Variants in BTBD7 observed in about 807,000 individuals in gnomAD.
BTBD7 encodes BTB domain containing 7, also known as BTB/POZ domain-containing protein 7.
In BTBD7, 38 loss-of-function variants were observed where a neutral mutation model predicts 99.9. The ratio of observed to expected loss-of-function variants is 0.38; its 90% CI spans 0.29 to 0.50. The LOEUF (loss-of-function observed/expected upper bound fraction) is 0.50, where lower values mean the gene tolerates loss of function less well. Among genes scored for constraint, BTBD7 ranks in the 20% least tolerant of loss-of-function variants. The probability of loss-of-function intolerance (pLI) is 0.93; values close to 1 mark genes in which losing one functional copy is unlikely to be tolerated. For synonymous variants in BTBD7, 520 were observed against 511.4 expected (o/e 1.02, Z -0.23); for missense variants, 1,170 against 1,394.6 (o/e 0.84, Z 2.57).
chr14:93,299,702 T>G (rs965118969), intron 1 of BTBD7, among the ~76,000 whole-genome samples: 3 of 152,092 alleles, frequency 2.0e-5, no homozygotes, highest in Non-Finnish European at 4.4e-5. Context: ...CAAGAAAGAC[T>G]AAACAACCCA....
rs755807975 is a variant in BTBD7, at chr14:93,263,997, A to G, written c.1163-4T>C. On this transcript the variant is annotated splice_region_variant and splice_polypyrimidine_tract_variant and intron_variant, in intron 3 of 10. Coordinates refer to ENST00000334746, the MANE Select transcript of BTBD7 (RefSeq NM_001002860.4). Reference sequence around the variant, plus strand: ...TCAGCAATGATATCCTCACAGCCTAAAAGAGAAGGCAAATACTTCTTGAGA... The same window carrying G: ...TCAGCAATGATATCCTCACAGCCTAGAAGAGAAGGCAAATACTTCTTGAGA... 2 of 1,610,978 alleles carry G rather than the reference A, an allele frequency of 1.2e-6. No homozygotes were observed. Among genetic ancestry groups the G allele is most frequent in the Non-Finnish European group, 1.7e-6 (2 of 1,177,286 alleles).
intron 1 of BTBD7, among the ~76,000 whole-genome samples, chr14:93,301,005 T>C: frequency 6.6e-6 from 1 of 152,012 alleles, no homozygotes; most frequent in Non-Finnish European, 1.5e-5. Context: ...CCTTTCAGTC[T>C]GACTTTAGGA....
At chr14:93,251,440 A>G in intron 8 of BTBD7, 23 bp downstream of exon 8, 2 of 1,541,216 alleles carry the variant, frequency 1.3e-6, no homozygotes, top group Non-Finnish European at 1.8e-6. Flanking sequence ...ATTTAAATAT[A>G]AACACCCAAC....
At chr14:93,321,678 T>C (rs560765539) in intron 1 of BTBD7, among the ~76,000 whole-genome samples, 1 of 152,154 alleles carries the variant, frequency 6.6e-6, no homozygotes, top group African/African-American at 2.4e-5. Context: ...GAAGCATAAA[T>C]CAGTGGCGAT....
At chr14:93,320,041 G>C (rs1022686163) in intron 1 of BTBD7, among the ~76,000 whole-genome samples, 1 of 152,176 alleles carries the variant, frequency 6.6e-6, no homozygotes, top group Non-Finnish European at 1.5e-5. Context: ...TTCAAAAGAG[G>C]AAACTGAACT....
Position 93,246,107 on chromosome 14 carries a change from G to T in BTBD7, c.2301C>A (p.Pro767=), listed in dbSNP as rs769701963. 1.3e-6 allele frequency: 2 copies of T among 1,544,240 alleles called. No homozygotes were observed. The highest frequency in any genetic ancestry group is 1.7e-6 in the Non-Finnish European group (2 of 1,147,312). ...PLPPPPPPYH[P]PATPIHNQLK... The stretch of plus-strand genomic sequence containing the variant: ...GTTGGTTATGGATTGGGGTAGCTGG[G>T]GGGTGGTAGGGAGGTGGTGGAGGGG... The change falls in exon 10 of 11, where the codon CCC becomes CCA. Residue 767 remains proline (P), a synonymous_variant. Transcript: ENST00000334746.
intron 3 of BTBD7, among the ~76,000 whole-genome samples, chr14:93,290,535 T>TA (rs1458205831): frequency 5.9e-5 from 4 of 68,368 alleles, no homozygotes; most frequent in Admixed American, 1.8e-4. Context: ...TTTTTTTTTT[T>TA]AAGACAAAGT....
At chr14:93,243,149 G>T in intron 10 of BTBD7, 61 bp from the exon 11 acceptor site, 1 of 1,390,416 alleles carries the variant, frequency 7.2e-7, no homozygotes, top group Non-Finnish European at 9.9e-7. Context: ...CTGTAGAAAT[G>T]ATGTTCACTG....
chr14:93,288,359 G>C, intron 3 of BTBD7: 1 of 610,886 alleles, frequency 1.6e-6, no homozygotes, highest in Admixed American at 3.0e-5. Flanking sequence ...TTACTTTCTA[G>C]ATTTCCTCAA....
In BTBD7 at chr14:93,297,168, T is replaced by C. The variant is rs571683722; in HGVS notation, c.-106-1011A>G. On this transcript the variant is annotated intron_variant, in intron 1 of 10. Transcript: ENST00000334746. ...ATATAGTGAAAAACACGTACACAAA[T>C]TATCACAAAAATCTGCTAGAAACAG... Among the ~76,000 whole-genome samples, 4 of 152,324 alleles carry C rather than the reference T, an allele frequency of 2.6e-5. No homozygotes were observed. In the East Asian group the frequency reaches 7.7e-4, roughly 29 times the overall value.
At position 93,266,874 on chromosome 14, in the gene BTBD7, C is replaced by T. The variant is rs182829310; in HGVS notation, c.1163-2881G>A. Among the ~76,000 whole-genome samples the T allele has an allele frequency of 7.1e-4, 108 of 152,288 alleles. 2 individuals carry two copies. The highest frequency in any genetic ancestry group is 6.5e-4 in the Admixed American group (10 of 15,302). ...TCCACATATAGATGACACCCAAAGGCGTGAAGATGTGCTAATGAGAAGTGG... is the reference window on the plus strand; with the variant it reads ...TCCACATATAGATGACACCCAAAGGTGTGAAGATGTGCTAATGAGAAGTGG... On this transcript the variant is annotated intron_variant, in intron 3 of 10. Transcript: ENST00000334746.
At chr14:93,322,268 C>T (rs28625767) in intron 1 of BTBD7, among the ~76,000 whole-genome samples, 11,942 of 152,044 alleles carry the variant, frequency 0.079, 1,010 homozygotes, top group African/African-American at 0.21. Context: ...TACATACCAC[C>T]ATACCTGGCT....
intron 1 of BTBD7, among the ~76,000 whole-genome samples, chr14:93,309,416 A>C (rs902432142): frequency 5.3e-5 from 8 of 151,426 alleles, no homozygotes; most frequent in African/African-American, 1.9e-4. Flanking sequence ...AAGAAAAAAA[A>C]AAAAAAAAGA....
intron 3 of BTBD7, among the ~76,000 whole-genome samples, chr14:93,284,926 G>C (rs538764214): frequency 5.3e-5 from 8 of 151,892 alleles, no homozygotes; most frequent in East Asian, 1.9e-4. Context: ...TAAAACAAAA[G>C]ATGCAATATT....
Position 93,249,491 on chromosome 14 carries a change from C to G in BTBD7, c.1943-837G>C, listed in dbSNP as rs1214584427. Among the ~76,000 whole-genome samples the G allele has an allele frequency of 2.0e-5, 3 of 152,096 alleles. No individual in the cohort carries two copies. The East Asian group carries it at 5.8e-4, about 29-fold the overall frequency. On this transcript the variant is annotated intron_variant, in intron 8 of 10. Transcript: ENST00000334746. Reference sequence around the variant, plus strand: ...TGTGCACAACAGGCAGTCACTTTTGCAGGAGGATGACAGGATCAGAGCTGT... The same window carrying G: ...TGTGCACAACAGGCAGTCACTTTTGGAGGAGGATGACAGGATCAGAGCTGT...
At position 93,242,731 on chromosome 14, in the gene BTBD7, T is replaced by C. The variant is rs1174533282; in HGVS notation, c.2941A>G (p.Asn981Asp). The C allele has an allele frequency of 6.2e-7, 1 of 1,614,056 alleles. No homozygotes were observed. The highest frequency in any genetic ancestry group is 8.5e-7 in the Non-Finnish European group (1 of 1,180,032). Reference sequence around the variant, plus strand: ...TTTAAGCCACTTGGTGATGCCTTATTGTGGCTGTACAGATCGGGACCAAAA... The same window carrying C: ...TTTAAGCCACTTGGTGATGCCTTATCGTGGCTGTACAGATCGGGACCAAAA... ...GYFGPDLYSH[N>D]KASPSGLKSA... The change falls in exon 11 of 11, where the codon AAT becomes GAT. Residue 981 changes from asparagine to aspartate, a missense_variant. By Grantham distance (23) the Asn-to-Asp change is conservative. This residue lies in a region of BTBD7 where 495 missense variants were observed against 525.9 expected (regional missense o/e 0.94). Transcript: ENST00000334746.
chr14:93,283,961 A>C (rs2052750091), intron 3 of BTBD7, among the ~76,000 whole-genome samples: 1 of 152,220 alleles, frequency 6.6e-6, no homozygotes, highest in Admixed American at 6.5e-5. Flanking sequence ...AATAAATCAA[A>C]CAGGACAAGT....
At chr14:93,319,410 G>A (rs2053244654) in intron 1 of BTBD7, among the ~76,000 whole-genome samples, 1 of 152,170 alleles carries the variant, frequency 6.6e-6, no homozygotes, top group Admixed American at 6.5e-5. Flanking sequence ...AGAAAATGTA[G>A]TAAATACATA....
chr14:93,304,075 C>T (rs983437561), intron 1 of BTBD7, among the ~76,000 whole-genome samples: 6 of 152,206 alleles, frequency 3.9e-5, no homozygotes, highest in African/African-American at 1.2e-4. Flanking sequence ...AGCCTATAAG[C>T]AGAGGGTGAA....
Sources: gnomAD v4.1 joint callset for allele counts (sites outside exome capture counted in the v4.1 genomes callset) on GRCh38, gnomAD v4.1.1 for gene constraint, gnomAD v4.1.1 regional missense constraint, MANE v1.5 for transcripts, NCBI Gene and HGNC (gene_info 2026-07-23, HGNC 2026-07-21) for gene names.